Variants in CHID1 observed in about 807,000 individuals in gnomAD.
CHID1 encodes the protein chitinase domain containing 1, also known as chitinase domain-containing protein 1.
A neutral mutation model predicts 55.4 loss-of-function variants in CHID1; 44 were observed. That is an observed-to-expected ratio of 0.79 (90% CI 0.62 to 1.02). The LOEUF is 1.02. CHID1 is among the 50% of genes least tolerant of loss of function. The probability of loss-of-function intolerance (pLI) is 0.00; values close to 1 mark genes in which losing one functional copy is unlikely to be tolerated. For missense variants in CHID1, 491 were observed against 515.3 expected (o/e 0.95, Z 0.46); for synonymous variants, 216 against 212.9 (o/e 1.01, Z -0.13).
chr11:900,893 G>A, intron 5 of CHID1, 43 bp downstream of exon 5: 14 of 1,570,642 alleles, frequency 8.9e-6, no homozygotes, highest in Non-Finnish European at 1.2e-5. Context: ...CACCCCCGCA[G>A]TTTGAGCCAT....
chr11:886,582 A>G (rs1293784229), intron 8 of CHID1, among the ~76,000 whole-genome samples: 1 of 152,240 alleles, frequency 6.6e-6, no homozygotes, highest in Admixed American at 6.5e-5. Flanking sequence ...AGACGAGGCC[A>G]TGATGACGCG....
At chr11:903,304 G>C (rs1042908331) in intron 2 of CHID1, among the ~76,000 whole-genome samples, 193 bp from the exon 3 acceptor site, 1 of 152,334 alleles carries the variant, frequency 6.6e-6, no homozygotes, top group South Asian at 2.1e-4. Context: ...CACTCTGGCC[G>C]TCAACAGACA....
chr11:909,641 G>A (rs946006022), intron 1 of CHID1, among the ~76,000 whole-genome samples: 3 of 151,096 alleles, frequency 2.0e-5, no homozygotes, highest in Admixed American at 6.6e-5. Context: ...TGTGTAGAGC[G>A]ACAGCAGCCA....
In CHID1 at chr11:904,733, T is replaced by C; in HGVS notation, c.84A>G (p.Lys28=). 6.2e-7 allele frequency: 1 copy of C among 1,613,876 alleles called. No homozygotes were observed. Among genetic ancestry groups the C allele is most frequent in the East Asian group, 2.2e-5 (1 of 44,870 alleles). ...HTTLSKSDAK[K]AASKTLLEKS... ...TCTCCAGCAGCGTCTTTGAGGCGGC[T>C]TTTTTGGCATCTGACTTTGACAGGG... Residue 28 remains lysine (K), a synonymous_variant, in exon 2 of 13, where the codon AAA becomes AAG. Coordinates refer to ENST00000323578, the MANE Select transcript of CHID1 (RefSeq NM_023947.4).
intron 7 of CHID1, among the ~76,000 whole-genome samples, chr11:894,271 C>T (rs755794680): frequency 2.0e-5 from 3 of 152,078 alleles, no homozygotes; most frequent in Admixed American, 1.3e-4. Flanking sequence ...GGCAGGGCAC[C>T]GGGCAGGGCA....
chr11:899,927 C>G (rs567286920), intron 6 of CHID1, 77 bp downstream of exon 6: 4 of 1,046,248 alleles, frequency 3.8e-6, no homozygotes, highest in Non-Finnish European at 4.4e-6. Context: ...GTGGAGGCCT[C>G]GCGGGAGGCC....
rs1565173008 is a variant in CHID1, at chr11:883,282, CAG to C, written c.823_824del (p.Leu275ValfsTer39). On this transcript the variant is annotated frameshift_variant, in exon 10 of 13. Coordinates refer to ENST00000323578, the MANE Select transcript of CHID1 (RefSeq NM_023947.4). LOFTEE classifies it high-confidence loss of function. ...TAHQPGPNAP[L>X]SWVRACVQVL... is the part of the protein sequence containing the mutation. ...CCTGGACGCAGGCTCGAACCCAGGA[CAG>C]GGGTGCATTAGGGCCAGGCCTGCAG... The C allele has an allele frequency of 1.2e-6, 2 of 1,613,826 alleles. No individual in the cohort carries two copies. Among genetic ancestry groups the C allele is most frequent in the Admixed American group, 1.7e-5 (1 of 60,016 alleles).
In CHID1 at chr11:898,332, A is replaced by G. The variant is rs113740487; in HGVS notation, c.608+1008T>C. ...GCTCAGGCCCGGGCTCTTAAAGCCCAACCAGAACTACTTCAGGTGGTGGGG... is the reference window on the plus strand; with the variant it reads ...GCTCAGGCCCGGGCTCTTAAAGCCCGACCAGAACTACTTCAGGTGGTGGGG... On this transcript the variant is annotated intron_variant, in intron 7 of 12. Transcript: ENST00000323578. Among the ~76,000 whole-genome samples the G allele has an allele frequency of 5.7e-3, 863 of 152,308 alleles. 5 individuals carry two copies. Among genetic ancestry groups the G allele is most frequent in the Non-Finnish European group, 0.01 (691 of 68,020 alleles).
intron 1 of CHID1, chr11:908,252 G>A (rs1035331878): frequency 3.3e-5 from 5 of 152,438 alleles, no homozygotes; most frequent in Admixed American, 1.3e-4. Flanking sequence ...TGGAGCCACA[G>A]GCAAAGGCAG....
chr11:910,318 C>T (rs1565210912), intron 1 of CHID1, among the ~76,000 whole-genome samples: 1 of 152,290 alleles, frequency 6.6e-6, no homozygotes, highest in Admixed American at 6.5e-5. Flanking sequence ...AGCCCTACTG[C>T]CTCTGCTCCC....
chr11:910,613 C>T lies in CHID1; in HGVS notation c.-44+162G>A, dbSNP rs1055896723. 73 of 1,255,192 alleles carry T rather than the reference C, an allele frequency of 5.8e-5. 1 individual carries two copies. In the Admixed American group the frequency reaches 1.8e-3, roughly 30 times the overall value. The allele number at this position is 1,255,192 out of a possible 1,614,324, so 77.8% of individuals were successfully genotyped here. A position where few individuals can be genotyped will look rare whatever the true frequency, so the allele number is the denominator to read the frequency against. On this transcript the variant is annotated intron_variant, in intron 1 of 12. Transcript: ENST00000323578. ...CGTCCTCACACCCTCTCACACGCCC[C>T]CTCACACACTTGCTCTCTCTCACGC...
In CHID1 at chr11:890,904, G is replaced by A. The variant is rs568210525; in HGVS notation, c.701+2523C>T. Among the ~76,000 whole-genome samples, 125 of 152,182 alleles carry A rather than the reference G, an allele frequency of 8.2e-4. 1 individual carries two copies. The highest frequency in any genetic ancestry group is 2.9e-3 in the African/African-American group (120 of 41,526). On this transcript the variant is annotated intron_variant, in intron 8 of 12. Coordinates refer to ENST00000323578, the MANE Select transcript of CHID1 (RefSeq NM_023947.4). ...TTTGGCGACTGGGGTGCCCCTCCCC[G>A]CAGCACGCAGACCTCTCTCCAGGGG... is the stretch of plus-strand genomic sequence containing the variant.
rs753873744 is a variant in CHID1, at chr11:884,183, G to A, written c.702-14C>T. 3.7e-6 allele frequency: 6 copies of A among 1,610,274 alleles called. No individual in the cohort carries two copies. The highest frequency in any genetic ancestry group is 5.1e-6 in the Non-Finnish European group (6 of 1,176,978). ...AGCTGGTCGGTCCTGTAACAGACAG[G>A]TGCAGCCACCTCAGGCTGCTATGCC... On this transcript the variant is annotated splice_polypyrimidine_tract_variant and intron_variant, in intron 8 of 12. Coordinates refer to ENST00000323578, the MANE Select transcript of CHID1 (RefSeq NM_023947.4).
intron 8 of CHID1, among the ~76,000 whole-genome samples, chr11:892,768 C>A (rs376667574): frequency 2.0e-5 from 3 of 152,220 alleles, no homozygotes; most frequent in African/African-American, 7.2e-5. Flanking sequence ...AGAGAAAAGT[C>A]GGTTGACTGT....
intron 1 of CHID1, among the ~76,000 whole-genome samples, chr11:909,458 G>A (rs866070940): frequency 6.6e-6 from 1 of 152,206 alleles, no homozygotes; most frequent in African/African-American, 2.4e-5. Flanking sequence ...ACTTTCCTGC[G>A]CTCCCAGTCC....
rs114900330 is a variant in CHID1, at chr11:869,808, C to G, written c.*50G>C. On this transcript the variant is annotated 3_prime_UTR_variant, in exon 13 of 13. Coordinates refer to ENST00000323578, the MANE Select transcript of CHID1 (RefSeq NM_023947.4). ...CCTGTATTTCACACCTGCTCACTCA[C>G]TCCATGGCTTAGAAAAGAACACGTC... 4.6e-4 allele frequency: 704 copies of G among 1,533,482 alleles called. 4 individuals carry two copies. The African/African-American group carries it at 8.9e-3, about 19-fold the overall frequency. 95.0% of individuals were successfully genotyped at this position (1,533,482 alleles called of 1,614,324 possible). A position where few individuals can be genotyped will look rare whatever the true frequency, so the allele number is the denominator to read the frequency against.
At chr11:870,205 TC>T (rs1158878277) in intron 11 of CHID1, 42 bp from the exon 12 acceptor site, 1 of 1,612,344 alleles carries the variant, frequency 6.2e-7, no homozygotes, top group Non-Finnish European at 8.5e-7. Context: ...CTCTGCTGGT[TC>T]CAGGCCTCCT....
intron 7 of CHID1, among the ~76,000 whole-genome samples, chr11:896,258 A>G (rs533505413): frequency 6.1e-5 from 8 of 131,302 alleles, no homozygotes; most frequent in Admixed American, 1.5e-4. Context: ...CACCCCAGAC[A>G]TGAGGCTGTC....
At chr11:897,281 C>T (rs998695811) in intron 7 of CHID1, among the ~76,000 whole-genome samples, 8 of 152,142 alleles carry the variant, frequency 5.3e-5, no homozygotes, top group African/African-American at 1.9e-4. Flanking sequence ...TGTCTCAGCA[C>T]CTCCAGCCTC....
Sources: allele counts gnomAD v4.1 joint callset (sites outside exome capture counted in the v4.1 genomes callset), GRCh38; gene constraint gnomAD v4.1.1; transcripts MANE v1.5; gene names NCBI Gene and HGNC (gene_info 2026-07-23, HGNC 2026-07-21).